Variants in FMN1 observed in about 807,000 individuals in gnomAD.
FMN1 encodes the protein formin 1.
FMN1 carries 110 observed loss-of-function variants against 132.4 expected under a neutral mutation model. The observed-to-expected ratio is 0.83, with a 90% CI of 0.71 to 0.97. FMN1 has a LOEUF of 0.97. Among genes scored for constraint, FMN1 ranks in the 50% least tolerant of loss-of-function variants. The pLI is 0.00. For synonymous variants in FMN1, 722 were observed against 651.7 expected, an observed-to-expected ratio of 1.11 and a Z score of -1.64; for missense variants, 1,792 against 1,705.3, an observed-to-expected ratio of 1.05 and a Z score of -0.90.
intron 4 of FMN1, among the ~76,000 whole-genome samples, chr15:33,127,864 T>C (rs532180813): frequency 3.3e-4 from 51 of 152,280 alleles, no homozygotes; most frequent in African/African-American, 1.2e-3. Context: ...AGTGAGACAG[T>C]GCTGTTTCCG....
intron 7 of FMN1, among the ~76,000 whole-genome samples, chr15:32,984,586 C>A (rs927262884): frequency 6.6e-6 from 1 of 152,142 alleles, no homozygotes; most frequent in East Asian, 1.9e-4. Flanking sequence ...GGATTAATAT[C>A]ATATTGGATA....
chr15:33,036,708 A>C (rs2036208695), intron 6 of FMN1, among the ~76,000 whole-genome samples: 1 of 152,260 alleles, frequency 6.6e-6, no homozygotes, highest in Non-Finnish European at 1.5e-5. Context: ...ACAGGGTTAT[A>C]ATAAGTATTA....
intron 7 of FMN1, among the ~76,000 whole-genome samples, chr15:32,972,127 A>T (rs2031844296): frequency 6.6e-6 from 1 of 152,126 alleles, no homozygotes; most frequent in Non-Finnish European, 1.5e-5. Context: ...AATACAGAAG[A>T]GTGTTTGCAG....
At chr15:32,791,645 C>T (rs1233511327) in intron 19 of FMN1, among the ~76,000 whole-genome samples, 1 of 152,074 alleles carries the variant, frequency 6.6e-6, no homozygotes, top group African/African-American at 2.4e-5. Flanking sequence ...TGAATCAGAG[C>T]AGAGACACCT....
intron 7 of FMN1, among the ~76,000 whole-genome samples, chr15:33,001,746 G>C (rs981368208): frequency 4.3e-5 from 5 of 115,496 alleles, no homozygotes; most frequent in Admixed American, 2.5e-4. Flanking sequence ...TTGATACAAA[G>C]TCTCACTCCC....
chr15:32,867,786 C>T (rs768765060), intron 16 of FMN1, among the ~76,000 whole-genome samples: 36 of 152,334 alleles, frequency 2.4e-4, no homozygotes, highest in African/African-American at 6.0e-4. Context: ...CCACCGCGCC[C>T]GGCCATCAGG....
At chr15:32,886,842 C>G (rs748807107) in intron 16 of FMN1, among the ~76,000 whole-genome samples, 3 of 152,122 alleles carry the variant, frequency 2.0e-5, no homozygotes, top group Non-Finnish European at 4.4e-5. Context: ...TGGTAGCTTA[C>G]TACGCTTTAT....
At chr15:32,838,935 G>A (rs917624819) in intron 17 of FMN1, among the ~76,000 whole-genome samples, 4 of 152,136 alleles carry the variant, frequency 2.6e-5, no homozygotes, top group African/African-American at 4.8e-5. Flanking sequence ...TGAGTGATGA[G>A]TCTCCATTTG....
chr15:32,827,846 G>GA (rs1049599419), intron 17 of FMN1, among the ~76,000 whole-genome samples: 186 of 121,042 alleles, frequency 1.5e-3, no homozygotes, highest in Middle Eastern at 4.4e-3. Context: ...TCCGTCTCAA[G>GA]AAAAAAAAAA....
chr15:33,115,272 T>G (rs150062994), intron 4 of FMN1, among the ~76,000 whole-genome samples: 2 of 152,074 alleles, frequency 1.3e-5, no homozygotes, highest in East Asian at 3.9e-4. Flanking sequence ...AGGCTAGGAG[T>G]CACAATGGGA....
intron 16 of FMN1, among the ~76,000 whole-genome samples, chr15:32,869,912 G>A (rs1390318907): frequency 1.3e-5 from 2 of 152,162 alleles, no homozygotes; most frequent in Non-Finnish European, 2.9e-5. Flanking sequence ...GGGGGTGCGG[G>A]GAAAAAGCCA....
intron 6 of FMN1, among the ~76,000 whole-genome samples, chr15:33,052,502 T>G (rs1302832530): frequency 6.6e-6 from 1 of 152,152 alleles, no homozygotes; most frequent in Non-Finnish European, 1.5e-5. Flanking sequence ...CAACCAATTC[T>G]CCAATAGCAA....
At chr15:32,840,921 TGAAA>T (rs1183834259) in intron 17 of FMN1, among the ~76,000 whole-genome samples, 2 of 152,180 alleles carry the variant, frequency 1.3e-5, no homozygotes, top group African/African-American at 4.8e-5. Context: ...CCCCAGTCTT[TGAAA>T]GATAGACACA....
chr15:33,125,500 C>G (rs1441338399), intron 4 of FMN1, among the ~76,000 whole-genome samples: 1 of 151,922 alleles, frequency 6.6e-6, no homozygotes, highest in East Asian at 1.9e-4. Flanking sequence ...GTCTGGTCTT[C>G]AAATGAACCC....
chr15:32,834,900 A>C (rs2058587438), intron 17 of FMN1, among the ~76,000 whole-genome samples: 1 of 152,228 alleles, frequency 6.6e-6, no homozygotes, highest in East Asian at 1.9e-4. Context: ...GCTTTTATTC[A>C]GGTGAACCCT....
intron 6 of FMN1, among the ~76,000 whole-genome samples, chr15:33,017,416 A>G (rs1040992925): frequency 6.3e-5 from 6 of 94,788 alleles, no homozygotes; most frequent in African/African-American, 2.0e-4. Flanking sequence ...GTAGACGGTG[A>G]GAGGGAACTC....
At chr15:33,081,206 G>A (rs1054815818) in intron 5 of FMN1, among the ~76,000 whole-genome samples, 2 of 152,164 alleles carry the variant, frequency 1.3e-5, no homozygotes, top group African/African-American at 4.8e-5. Flanking sequence ...TTGGTTTACA[G>A]TACAGTCACT....
At chr15:32,845,716 T>C (rs1473498174) in intron 17 of FMN1, among the ~76,000 whole-genome samples, 10 of 152,154 alleles carry the variant, frequency 6.6e-5, no homozygotes, top group Non-Finnish European at 1.5e-5. Flanking sequence ...TGAAGTCAAG[T>C]ATAGCATGCT....
intron 7 of FMN1, among the ~76,000 whole-genome samples, chr15:32,970,269 A>G (rs897481044): frequency 6.6e-6 from 1 of 152,246 alleles, no homozygotes; most frequent in African/African-American, 2.4e-5. Flanking sequence ...CCCGTTCCTC[A>G]GCATTCAAAG....
Sources: gnomAD v4.1 joint callset for allele counts (sites outside exome capture counted in the v4.1 genomes callset) on GRCh38, gnomAD v4.1.1 for gene constraint, MANE v1.5 for transcripts, NCBI Gene and HGNC (gene_info 2026-07-23, HGNC 2026-07-21) for gene names.